The following CHIC2 variants were observed in gnomAD, a reference collection of about 807,000 sequenced individuals.
CHIC2 encodes cysteine rich hydrophobic domain 2, also known as cysteine-rich hydrophobic domain-containing protein 2.
CHIC2 carries 14 observed loss-of-function variants against 25.9 expected under a neutral mutation model. The observed-to-expected ratio is 0.54, with a 90% CI of 0.36 to 0.85. The LOEUF is 0.85. Ranked by LOEUF, CHIC2 falls within the 40% of genes least tolerant of loss-of-function variation. The pLI, the probability that CHIC2 is intolerant of heterozygous loss-of-function variation, is 0.01. For synonymous variants in CHIC2, 70 were observed against 72.0 expected (o/e 0.97, Z 0.14); for missense variants, 146 against 202.0 (o/e 0.72, Z 1.68).
chr4:54,026,038 C>T (rs1032872658), intron 3 of CHIC2, among the ~76,000 whole-genome samples: 2 of 152,016 alleles, frequency 1.3e-5, no homozygotes, highest in African/African-American at 4.8e-5. Context: ...ACTTAATCTG[C>T]ACAACAAGCC....
chr4:54,074,245 G>A, the CHIC2 span, among the ~76,000 whole-genome samples: 1 of 152,002 alleles, frequency 6.6e-6, no homozygotes, highest in Non-Finnish European at 1.5e-5. Flanking sequence ...TTATGTCTCT[G>A]TTAAGTGCCA....
At chr4:54,016,420 T>C (rs971005451) in intron 3 of CHIC2, among the ~76,000 whole-genome samples, 15 of 152,212 alleles carry the variant, frequency 9.9e-5, no homozygotes, top group Admixed American at 7.2e-4. Flanking sequence ...GTATAAATCT[T>C]GAATTCCAAA....
the CHIC2 span, among the ~76,000 whole-genome samples, chr4:54,089,422 CAT>C: frequency 2.7e-5 from 4 of 149,290 alleles, no homozygotes; most frequent in African/African-American, 1.0e-4. Context: ...TATACACACA[CAT>C]ATATAGTGAT....
At position 54,035,037 on chromosome 4, in the gene CHIC2, T is replaced by C. The variant is rs573304672; in HGVS notation, c.330+13918A>G. 2.6e-5 allele frequency among the ~76,000 whole-genome samples: 4 copies of C among 152,312 alleles called. No individual in the cohort carries two copies. In the South Asian group the frequency reaches 6.2e-4, roughly 24 times the overall value. ...TTAGAAATATGTTGAGTTACATTCA[T>C]TGCATTTTTGGATGTTAAACCAACC... On this transcript the variant is annotated intron_variant, in intron 3 of 5. Coordinates refer to ENST00000263921, the MANE Select transcript of CHIC2 (RefSeq NM_012110.4).
At chr4:54,071,242 A>T in the CHIC2 span, among the ~76,000 whole-genome samples, 1 of 152,220 alleles carries the variant, frequency 6.6e-6, no homozygotes. Flanking sequence ...AAATGTTCCA[A>T]TGAGCTTTTC....
At chr4:54,054,390 T>C (rs990923629) in intron 1 of CHIC2, among the ~76,000 whole-genome samples, 9 of 152,232 alleles carry the variant, frequency 5.9e-5, no homozygotes, top group African/African-American at 1.9e-4. Flanking sequence ...ATAACGAATT[T>C]TGCTTTTTAA....
At chr4:54,063,421 T>G (rs552220595) in intron 1 of CHIC2, among the ~76,000 whole-genome samples, 27 of 152,222 alleles carry the variant, frequency 1.8e-4, no homozygotes, top group Admixed American at 3.3e-4. Flanking sequence ...TGTCATGGTC[T>G]TTCCGAAAGC....
At chr4:54,044,565 T>C (rs981319315) in intron 3 of CHIC2, among the ~76,000 whole-genome samples, 3 of 152,020 alleles carry the variant, frequency 2.0e-5, no homozygotes, top group Non-Finnish European at 4.4e-5. Context: ...CATAATGAAA[T>C]GAAGGCAGAA....
At chr4:54,051,562 G>GA (rs980265180) in intron 1 of CHIC2, among the ~76,000 whole-genome samples, 2 of 151,878 alleles carry the variant, frequency 1.3e-5, no homozygotes, top group Non-Finnish European at 2.9e-5. Flanking sequence ...AACTCTGAGA[G>GA]AAAAAAATGT....
the CHIC2 span, among the ~76,000 whole-genome samples, chr4:54,072,595 C>T: frequency 6.6e-6 from 1 of 152,184 alleles, no homozygotes; most frequent in Non-Finnish European, 1.5e-5. Context: ...TGTTCTTCCA[C>T]ATAAAAGACT....
At chr4:54,041,042 G>A (rs1356041618) in intron 3 of CHIC2, among the ~76,000 whole-genome samples, 5 of 148,046 alleles carry the variant, frequency 3.4e-5, no homozygotes, top group Non-Finnish European at 7.4e-5. Context: ...TCAGCCTCCC[G>A]AGTAGCTGGG....
intron 3 of CHIC2, among the ~76,000 whole-genome samples, chr4:54,024,759 T>A (rs967926432): frequency 9.2e-5 from 14 of 152,230 alleles, no homozygotes; most frequent in African/African-American, 4.8e-5. Flanking sequence ...TTGGATGTCC[T>A]GGGTCCTCCC....
At chr4:54,048,884 TA>T in intron 3 of CHIC2, 70 bp downstream of exon 3, 1 of 1,283,158 alleles carries the variant, frequency 7.8e-7, no homozygotes, top group Non-Finnish European at 1.0e-6. Flanking sequence ...ATACAAAAAA[TA>T]AAAACTAGAT....
chr4:54,064,480 C>T lies in CHIC2; in HGVS notation c.-180G>A. ...GAGGGGATGGGGTCTGGACCGTCGCCGCCACCGCCGCCGCCATTACCATCA... is the reference window on the plus strand; with the variant it reads ...GAGGGGATGGGGTCTGGACCGTCGCTGCCACCGCCGCCGCCATTACCATCA... On this transcript the variant is annotated 5_prime_UTR_variant, in exon 1 of 6. Transcript: ENST00000263921. This position sits in a 1 kb window ranked among gnomAD's most constrained non-coding sequence, Gnocchi z 4.2. 1 of 1,444,512 alleles carries T rather than the reference C, an allele frequency of 6.9e-7. No homozygotes were observed. The highest frequency in any genetic ancestry group is 1.5e-5 in the African/African-American group (1 of 68,398). 89.5% of individuals were successfully genotyped at this position (1,444,512 alleles called of 1,614,324 possible).
chr4:54,025,853 T>C (rs1240622576), intron 3 of CHIC2, among the ~76,000 whole-genome samples: 1 of 82,666 alleles, frequency 1.2e-5, no homozygotes, highest in Non-Finnish European at 2.9e-5. Flanking sequence ...AGACCCTGTC[T>C]CAAAAAAAAA....
At chr4:54,018,056 C>T (rs1715794681) in intron 3 of CHIC2, among the ~76,000 whole-genome samples, 1 of 152,020 alleles carries the variant, frequency 6.6e-6, no homozygotes, top group African/African-American at 2.4e-5. Context: ...ATTTATATTG[C>T]CTTTGGTCCC....
chr4:54,016,571 T>C (rs994451958), intron 3 of CHIC2, among the ~76,000 whole-genome samples: 12 of 152,134 alleles, frequency 7.9e-5, no homozygotes, highest in African/African-American at 2.4e-4. Context: ...TGAATAAGCA[T>C]ATAAATATAA....
chr4:54,041,602 G>A (rs1247579353), intron 3 of CHIC2, among the ~76,000 whole-genome samples: 1 of 151,820 alleles, frequency 6.6e-6, no homozygotes, highest in Admixed American at 6.6e-5. Flanking sequence ...ATCTCATTTT[G>A]TATGCATTAA....
chr4:54,064,456 A>T lies in CHIC2; in HGVS notation c.-156T>A. ...TCGGCTGTCTCGGCTCCGGCTACAGAGGGGATGGGGTCTGGACCGTCGCCG... is the reference window on the plus strand; with the variant it reads ...TCGGCTGTCTCGGCTCCGGCTACAGTGGGGATGGGGTCTGGACCGTCGCCG... On this transcript the variant is annotated 5_prime_UTR_variant, in exon 1 of 6. Transcript: ENST00000263921. This position sits in a 1 kb window ranked among gnomAD's most constrained non-coding sequence, Gnocchi z 4.2. 2 of 1,494,044 alleles carry T rather than the reference A, an allele frequency of 1.3e-6. No individual in the cohort carries two copies. The allele number at this position is 1,494,044 out of a possible 1,614,324, so 92.5% of individuals were successfully genotyped here.
Sources: gnomAD v4.1 joint callset for allele counts (sites outside exome capture counted in the v4.1 genomes callset) on GRCh38, gnomAD v4.1.1 for gene constraint, Gnocchi (gnomAD v3.1) non-coding constraint, MANE v1.5 for transcripts, NCBI Gene and HGNC (gene_info 2026-07-23, HGNC 2026-07-21) for gene names.